Variants in DLG2 observed in about 807,000 individuals in gnomAD.
DLG2 encodes disks large homolog 2.
In DLG2, 45 loss-of-function variants were observed where a neutral mutation model predicts 132.5. The ratio of observed to expected loss-of-function variants is 0.34; its 90% CI spans 0.27 to 0.44. DLG2 has a LOEUF of 0.44. Among genes scored for constraint, DLG2 ranks in the 20% least tolerant of loss-of-function variants. The pLI, the probability that DLG2 is intolerant of heterozygous loss-of-function variation, is 1.00. For missense variants in DLG2, 1,045 were observed against 1,196.9 expected (o/e 0.87, Z 1.87); for synonymous variants, 424 against 419.6 (o/e 1.01, Z -0.13).
intron 3 of DLG2, among the ~76,000 whole-genome samples, chr11:85,371,445 G>C (rs905347821): frequency 1.3e-5 from 2 of 152,182 alleles, no homozygotes; most frequent in Non-Finnish European, 2.9e-5. Flanking sequence ...GAAACTATCT[G>C]TGAGTATTCT....
intron 3 of DLG2, among the ~76,000 whole-genome samples, chr11:85,454,343 A>G (rs1175675076): frequency 3.3e-5 from 5 of 151,032 alleles, no homozygotes; most frequent in Non-Finnish European, 3.0e-5. Context: ...ATGTCTTTTG[A>G]CATGTATGTC....
At chr11:85,261,716 T>C (rs953948156) in intron 4 of DLG2, among the ~76,000 whole-genome samples, 1 of 152,108 alleles carries the variant, frequency 6.6e-6, no homozygotes, top group African/African-American at 2.4e-5. Flanking sequence ...GTGAAACTGC[T>C]GAATTCTGGA....
intron 6 of DLG2, among the ~76,000 whole-genome samples, chr11:84,880,497 T>C (rs1202736708): frequency 1.3e-5 from 2 of 152,130 alleles, no homozygotes; most frequent in African/African-American, 4.8e-5. Flanking sequence ...GAAAGGTATA[T>C]TTTTCACACT....
intron 6 of DLG2, among the ~76,000 whole-genome samples, chr11:84,776,231 T>C (rs567571140): frequency 6.6e-6 from 1 of 152,264 alleles, no homozygotes; most frequent in Non-Finnish European, 1.5e-5. Context: ...CACAGCTCAC[T>C]GCAGTCTTGA....
chr11:84,207,100 T>C (rs769396607), intron 8 of DLG2, among the ~76,000 whole-genome samples: 50 of 151,838 alleles, frequency 3.3e-4, no homozygotes, highest in Non-Finnish European at 5.6e-4. Flanking sequence ...TATATGTATG[T>C]ATATATGACT....
intron 6 of DLG2, among the ~76,000 whole-genome samples, chr11:84,771,304 T>G (rs1283701882): frequency 6.6e-6 from 1 of 152,210 alleles, no homozygotes; most frequent in Non-Finnish European, 1.5e-5. Context: ...TTTTTAATAA[T>G]AGCCATTCTA....
At chr11:85,418,844 C>T (rs149306630) in intron 3 of DLG2, among the ~76,000 whole-genome samples, 5,338 of 152,210 alleles carry the variant, frequency 0.035, 144 homozygotes, top group Admixed American at 0.051. Context: ...TGAGATGGGT[C>T]TCCTGAATAC....
chr11:84,852,098 T>C lies in DLG2; in HGVS notation c.357+259563A>G, dbSNP rs185170096. On this transcript the variant is annotated intron_variant, in intron 6 of 27. Transcript: ENST00000376104. ...GATCTATATTTACCTTTTGGATCAA[T>C]GGGTGAGCCTACCTGCAGGAAATCT... 4.6e-5 allele frequency among the ~76,000 whole-genome samples: 7 copies of C among 152,156 alleles called. No homozygotes were observed. In the East Asian group the frequency reaches 1.2e-3, roughly 25 times the overall value.
At chr11:84,526,784 T>TG (rs1162834175) in intron 7 of DLG2, among the ~76,000 whole-genome samples, 2 of 146,358 alleles carry the variant, frequency 1.4e-5, no homozygotes, top group Non-Finnish European at 3.0e-5. Flanking sequence ...TGTTTTTTTT[T>TG]TTTTTTTTTT....
chr11:85,528,341 C>A (rs917783614), intron 3 of DLG2, among the ~76,000 whole-genome samples: 2 of 152,034 alleles, frequency 1.3e-5, no homozygotes, highest in Non-Finnish European at 2.9e-5. Context: ...AGTCTTTAAC[C>A]CATCTTGAGT....
chr11:83,633,537 G>A (rs1274285168), intron 18 of DLG2, among the ~76,000 whole-genome samples: 1 of 152,036 alleles, frequency 6.6e-6, no homozygotes, highest in African/African-American at 2.4e-5. Flanking sequence ...AAACGTACCT[G>A]GAAAACACAC....
intron 6 of DLG2, among the ~76,000 whole-genome samples, chr11:84,620,923 A>C (rs2099612725): frequency 6.6e-6 from 1 of 152,182 alleles, no homozygotes; most frequent in African/African-American, 2.4e-5. Flanking sequence ...AGTAGCAAAA[A>C]TTGGACAGAA....
intron 6 of DLG2, among the ~76,000 whole-genome samples, chr11:84,745,018 A>G (rs2065182801): frequency 6.6e-6 from 1 of 151,310 alleles, no homozygotes; most frequent in African/African-American, 2.4e-5. Flanking sequence ...AAAACTAGGA[A>G]TAAAGGTGAA....
intron 3 of DLG2, among the ~76,000 whole-genome samples, chr11:85,403,681 A>G (rs2088427108): frequency 6.6e-6 from 1 of 151,894 alleles, no homozygotes; most frequent in Non-Finnish European, 1.5e-5. Flanking sequence ...ACGTTTTGGA[A>G]GGAGAGAGTG....
At chr11:83,848,124 C>CT (rs34648391) in intron 16 of DLG2, among the ~76,000 whole-genome samples, 19,621 of 132,702 alleles carry the variant, frequency 0.15, 1,642 homozygotes, top group Non-Finnish European at 0.18. Flanking sequence ...TCCCCCACAC[C>CT]TTTTTTTTTT....
chr11:84,049,706 C>T lies in DLG2; in HGVS notation c.919+9609G>A, dbSNP rs190091449. 1.7e-3 allele frequency among the ~76,000 whole-genome samples: 253 copies of T among 151,896 alleles called. 1 individual carries two copies. The highest frequency in any genetic ancestry group is 5.7e-3 in the African/African-American group (236 of 41,482). The stretch of plus-strand genomic sequence containing the variant: ...TTAGAATTAGCGGTTTCTTTATCTC[C>T]TTAATCTGGGTTGTTGATATTCATC... On this transcript the variant is annotated intron_variant, in intron 11 of 27. Coordinates refer to ENST00000376104, the MANE Select transcript of DLG2 (RefSeq NM_001142699.3).
At chr11:85,493,617 C>A (rs569998455) in intron 3 of DLG2, among the ~76,000 whole-genome samples, 2 of 151,144 alleles carry the variant, frequency 1.3e-5, no homozygotes, top group East Asian at 3.9e-4. Flanking sequence ...GTGCAGCGAG[C>A]TATGATTGTG....
chr11:83,577,115 G>A lies in DLG2; in HGVS notation c.1941-35257C>T, dbSNP rs1478335068. ...GCGAATATAAAGCAGGCAGAAAAAC[G>A]TGAAAAGGACAGACTGGCCTAGCCT... On this transcript the variant is annotated intron_variant, in intron 19 of 27. Transcript: ENST00000376104. Among the ~76,000 whole-genome samples, 6 of 152,006 alleles carry A rather than the reference G, an allele frequency of 3.9e-5. No individual in the cohort carries two copies. The East Asian group carries it at 5.8e-4, about 15-fold the overall frequency.
chr11:84,827,258 G>A (rs756118473), intron 6 of DLG2, among the ~76,000 whole-genome samples: 3 of 151,638 alleles, frequency 2.0e-5, no homozygotes, highest in Admixed American at 1.3e-4. Flanking sequence ...GTTCGAGGGG[G>A]CATCATGGTA....
Sources: allele counts gnomAD v4.1 joint callset (sites outside exome capture counted in the v4.1 genomes callset), GRCh38; gene constraint gnomAD v4.1.1; transcripts MANE v1.5; gene names NCBI Gene and HGNC (gene_info 2026-07-23, HGNC 2026-07-21).